The following ZBTB20 variants were observed in gnomAD, a reference collection of about 807,000 sequenced individuals.
The protein encoded by ZBTB20 is zinc finger and BTB domain containing 20, also known as zinc finger and BTB domain-containing protein 20.
In ZBTB20, 9 loss-of-function variants were observed where a neutral mutation model predicts 56.9. That is an observed-to-expected ratio of 0.16 (90% CI 0.10 to 0.28). ZBTB20 has a LOEUF of 0.28. ZBTB20 is among the 10% of genes least tolerant of loss of function. The probability of loss-of-function intolerance (pLI) is 1.00; values close to 1 mark genes in which losing one functional copy is unlikely to be tolerated. For missense variants in ZBTB20, 655 were observed against 1,003.0 expected (o/e 0.65, Z 4.69); for synonymous variants, 417 against 420.7 (o/e 0.99, Z 0.11).
At chr3:114,983,648 A>G (rs1240229736) in intron 2 of ZBTB20, among the ~76,000 whole-genome samples, 2 of 152,052 alleles carry the variant, frequency 1.3e-5, no homozygotes, top group African/African-American at 4.8e-5. Context: ...TCATCCTTTC[A>G]ATTAAGGCAT....
At position 115,118,703 on chromosome 3, in the gene ZBTB20, A is replaced by ATTTTTT. The variant is rs35607205; in HGVS notation, c.-703+28510_-703+28515dup. On this transcript the variant is annotated intron_variant, in intron 1 of 11. Transcript: ENST00000675478. The stretch of plus-strand genomic sequence containing the variant: ...GGACCTAAAACTTTACCTGGTACAA[A>ATTTTTT]TTTTTTTTTTTTTTTTTTTTTTTTT... 4.1e-3 allele frequency among the ~76,000 whole-genome samples: 336 copies of ATTTTTT among 82,238 alleles called. 28 individuals carry two copies. Among genetic ancestry groups the ATTTTTT allele is most frequent in the African/African-American group, 0.014 (282 of 20,350 alleles). The allele number at this position is 82,238 out of a possible 152,430, so 54.0% of individuals were successfully genotyped here.
chr3:114,551,074 T>C (rs1177573469), intron 6 of ZBTB20, among the ~76,000 whole-genome samples: 1 of 152,182 alleles, frequency 6.6e-6, no homozygotes, highest in African/African-American at 2.4e-5. Flanking sequence ...TTAAAGAGGA[T>C]ACTGAGCATC....
chr3:114,523,498 G>A (rs925616737), intron 6 of ZBTB20, among the ~76,000 whole-genome samples: 1 of 152,142 alleles, frequency 6.6e-6, no homozygotes, highest in Admixed American at 6.5e-5. Context: ...TATACTGATA[G>A]GAAAGTTTTG....
chr3:114,451,976 G>A (rs924461407), intron 7 of ZBTB20, among the ~76,000 whole-genome samples: 7 of 152,000 alleles, frequency 4.6e-5, no homozygotes, highest in African/African-American at 1.7e-4. Flanking sequence ...ATCAAGAAGA[G>A]CTAGTGCAGC....
At chr3:114,878,984 G>A (rs1034871697) in intron 4 of ZBTB20, among the ~76,000 whole-genome samples, 1 of 152,158 alleles carries the variant, frequency 6.6e-6, no homozygotes, top group Non-Finnish European at 1.5e-5. Flanking sequence ...GTACGAATTG[G>A]CACCAAAGCC....
At chr3:114,667,672 A>G (rs1389042788) in intron 6 of ZBTB20, among the ~76,000 whole-genome samples, 1 of 152,102 alleles carries the variant, frequency 6.6e-6, no homozygotes, top group African/African-American at 2.4e-5. Flanking sequence ...ATGCTTAGAA[A>G]ATTATAAATA....
chr3:114,438,789 A>C (rs1026229362), intron 7 of ZBTB20, among the ~76,000 whole-genome samples: 4 of 152,182 alleles, frequency 2.6e-5, no homozygotes, highest in Admixed American at 6.6e-5. Context: ...TCAGGACAGC[A>C]ACAGAAGCAC....
At chr3:114,405,174 T>C (rs911220535) in intron 7 of ZBTB20, among the ~76,000 whole-genome samples, 3 of 151,968 alleles carry the variant, frequency 2.0e-5, no homozygotes, top group African/African-American at 2.4e-5. Flanking sequence ...ACGGGAGGAA[T>C]TGTGTTAAAA....
intron 6 of ZBTB20, among the ~76,000 whole-genome samples, chr3:114,690,865 G>C (rs988594031): frequency 1.3e-5 from 2 of 152,170 alleles, no homozygotes; most frequent in Non-Finnish European, 2.9e-5. Context: ...GCTGTAGCCA[G>C]ACTGGAGTTC....
chr3:114,714,900 C>T (rs1022019553), intron 5 of ZBTB20, among the ~76,000 whole-genome samples: 2 of 152,210 alleles, frequency 1.3e-5, no homozygotes, highest in Admixed American at 1.3e-4. Flanking sequence ...GATAGACAGA[C>T]CAACAATTTA....
intron 5 of ZBTB20, among the ~76,000 whole-genome samples, chr3:114,728,840 T>C (rs774723856): frequency 6.6e-6 from 1 of 152,192 alleles, no homozygotes; most frequent in Admixed American, 6.5e-5. Context: ...TGATCAGTGA[T>C]GTTGAGCTTT....
At chr3:114,844,560 T>C (rs1274754140) in intron 4 of ZBTB20, among the ~76,000 whole-genome samples, 2 of 94,726 alleles carry the variant, frequency 2.1e-5, no homozygotes, top group Admixed American at 2.7e-4. Context: ...AAACTTTCAT[T>C]TCTCTTGTGT....
chr3:114,886,291 G>C (rs536895122), intron 4 of ZBTB20, among the ~76,000 whole-genome samples: 1 of 152,148 alleles, frequency 6.6e-6, no homozygotes, highest in East Asian at 1.9e-4. Context: ...TCTAGACCTG[G>C]ATATTCATGA....
intron 1 of ZBTB20, among the ~76,000 whole-genome samples, chr3:115,100,916 A>C (rs1317660046): frequency 6.6e-6 from 1 of 152,268 alleles, no homozygotes; most frequent in Admixed American, 6.5e-5. Flanking sequence ...CTGATCTCAG[A>C]CAAAACTGAT....
intron 4 of ZBTB20, among the ~76,000 whole-genome samples, chr3:114,864,968 A>T (rs907378524): frequency 1.3e-5 from 2 of 152,116 alleles, no homozygotes; most frequent in African/African-American, 4.8e-5. Context: ...TGGAAGGAAG[A>T]GTAATATACA....
At chr3:115,011,150 C>T in intron 2 of ZBTB20, among the ~76,000 whole-genome samples, 1 of 151,776 alleles carries the variant, frequency 6.6e-6, no homozygotes, top group East Asian at 1.9e-4. Flanking sequence ...AGCACACCTA[C>T]AGGATCTAAA....
chr3:114,808,574 T>C (rs1241702312), intron 4 of ZBTB20, among the ~76,000 whole-genome samples: 1 of 151,974 alleles, frequency 6.6e-6, no homozygotes, highest in Non-Finnish European at 1.5e-5. Flanking sequence ...CCTTTTTCCT[T>C]GATCAGTCTA....
chr3:114,486,141 G>GGGC lies in ZBTB20; in HGVS notation c.-255+14210_-255+14211insGCC, dbSNP rs2042120322. 2.2e-5 allele frequency among the ~76,000 whole-genome samples: 2 copies of GGGC among 91,592 alleles called. 1 individual carries two copies. Among genetic ancestry groups the GGGC allele is most frequent in the Non-Finnish European group, 4.7e-5 (2 of 42,620 alleles). 60.1% of individuals were successfully genotyped at this position (91,592 alleles called of 152,430 possible). A position where few individuals can be genotyped will look rare whatever the true frequency, so the allele number is the denominator to read the frequency against. ...AAGAGTGTGTGTGTGTGTGTGTGGG[G>GGGC]GGGGGGGGCGGTGTATGAATTCCTG... On this transcript the variant is annotated intron_variant, in intron 7 of 11. Transcript: ENST00000675478.
rs192809216 is a variant in ZBTB20 at position 114,705,349 on chromosome 3, A to C, written c.-342-11774T>G. 1.8e-3 allele frequency among the ~76,000 whole-genome samples: 280 copies of C among 152,318 alleles called. 1 individual carries two copies. Among genetic ancestry groups the C allele is most frequent in the African/African-American group, 6.3e-3 (261 of 41,576 alleles). Reference sequence around the variant, plus strand: ...CCCTAGTATGCAGCACATGCCCTATACTAGAGAACTGAAATATGCAAAATT... The same window carrying C: ...CCCTAGTATGCAGCACATGCCCTATCCTAGAGAACTGAAATATGCAAAATT... On this transcript the variant is annotated intron_variant, in intron 5 of 11. Transcript: ENST00000675478.
Sources: gnomAD v4.1 joint callset for allele counts (sites outside exome capture counted in the v4.1 genomes callset) on GRCh38, gnomAD v4.1.1 for gene constraint, MANE v1.5 for transcripts, NCBI Gene and HGNC (gene_info 2026-07-23, HGNC 2026-07-21) for gene names.